Variants in HECW2 observed in about 807,000 individuals in gnomAD.
HECW2 encodes the protein E3 ubiquitin-protein ligase HECW2.
A neutral mutation model predicts 175.2 loss-of-function variants in HECW2; 61 were observed. That is an observed-to-expected ratio of 0.35 (90% CI 0.28 to 0.43). The LOEUF (loss-of-function observed/expected upper bound fraction) is 0.43, where lower values mean the gene tolerates loss of function less well. HECW2 is among the 20% of genes least tolerant of loss of function. The pLI is 1.00. For synonymous variants in HECW2, 671 were observed against 731.0 expected (o/e 0.92, Z 1.32); for missense variants, 1,524 against 2,000.5 (o/e 0.76, Z 4.54).
intron 2 of HECW2, among the ~76,000 whole-genome samples, chr2:196,404,720 A>AC (rs898704626): frequency 9.0e-5 from 13 of 145,066 alleles, no homozygotes; most frequent in Admixed American, 4.8e-4. Context: ...TCCATTAATC[A>AC]CCCCCAGTTA....
chr2:196,590,984 T>C (rs1003267967), intron 1 of HECW2, among the ~76,000 whole-genome samples: 5 of 152,228 alleles, frequency 3.3e-5, no homozygotes, highest in African/African-American at 1.2e-4. Context: ...TTTACTGGAA[T>C]ATTTTCCTTC....
At chr2:196,225,173 G>A (rs529406953) in intron 23 of HECW2, among the ~76,000 whole-genome samples, 5 of 152,242 alleles carry the variant, frequency 3.3e-5, no homozygotes, top group African/African-American at 9.6e-5. Context: ...TACAATAACT[G>A]CAATCTTTCA....
intron 1 of HECW2, among the ~76,000 whole-genome samples, chr2:196,591,897 A>G (rs974121065): frequency 1.3e-5 from 2 of 152,188 alleles, no homozygotes; most frequent in African/African-American, 4.8e-5. Flanking sequence ...CTTTCTTTGT[A>G]GATAATGTGT....
intron 4 of HECW2, chr2:196,331,459 G>A (rs10210571): frequency 0.032 from 6,360 of 198,672 alleles, 465 homozygotes; most frequent in African/African-American, 0.14. Context: ...TAGAAACTGC[G>A]GCCTCTCTGC....
At chr2:196,232,126 G>A (rs188470776) in intron 21 of HECW2, among the ~76,000 whole-genome samples, 37 of 152,280 alleles carry the variant, frequency 2.4e-4, no homozygotes, top group South Asian at 2.1e-4. Flanking sequence ...AGACACAATA[G>A]AGCATACAAT....
chr2:196,322,368 G>T, intron 7 of HECW2, 110 bp downstream of exon 7: 1 of 759,494 alleles, frequency 1.3e-6, no homozygotes. Context: ...TAAAAGAATT[G>T]TGTTACTACT....
intron 1 of HECW2, among the ~76,000 whole-genome samples, chr2:196,460,813 T>G (rs1441133450): frequency 3.7e-5 from 5 of 136,078 alleles, no homozygotes; most frequent in African/African-American, 5.4e-5. Flanking sequence ...TTTGGAGAGA[T>G]AGGCTCTCAC....
At chr2:196,221,394 A>C (rs1687665021) in intron 24 of HECW2, among the ~76,000 whole-genome samples, 1 of 152,204 alleles carries the variant, frequency 6.6e-6, no homozygotes, top group Non-Finnish European at 1.5e-5. Context: ...ATTAATGCCT[A>C]AATAAGAATA....
At chr2:196,433,004 T>C in intron 2 of HECW2, 128 bp downstream of exon 2, 1 of 779,836 alleles carries the variant, frequency 1.3e-6, no homozygotes, top group African/African-American at 1.7e-5. Flanking sequence ...AAAAATAAAT[T>C]CCCAGAATCT....
chr2:196,277,872 A>C (rs56001230), intron 15 of HECW2, among the ~76,000 whole-genome samples: 2 of 148,882 alleles, frequency 1.3e-5, no homozygotes, highest in East Asian at 4.0e-4. Context: ...GCAAACTATC[A>C]CAAGAACAAA....
At chr2:196,456,407 G>C (rs543210973) in intron 1 of HECW2, among the ~76,000 whole-genome samples, 34 of 150,744 alleles carry the variant, frequency 2.3e-4, no homozygotes, top group Middle Eastern at 6.8e-3. Context: ...ATCCCAGCAA[G>C]GAAAGTATTG....
At chr2:196,469,944 A>G (rs191006892) in intron 1 of HECW2, among the ~76,000 whole-genome samples, 1 of 152,248 alleles carries the variant, frequency 6.6e-6, no homozygotes, top group East Asian at 1.9e-4. Context: ...TCACCTTACA[A>G]GAATTTCTAG....
At chr2:196,432,208 T>A (rs1695734730) in intron 2 of HECW2, among the ~76,000 whole-genome samples, 1 of 151,924 alleles carries the variant, frequency 6.6e-6, no homozygotes, top group Non-Finnish European at 1.5e-5. Flanking sequence ...CATAAACAGA[T>A]GGGTCTTTTT....
At chr2:196,548,692 G>A (rs1475976442) in intron 1 of HECW2, among the ~76,000 whole-genome samples, 1 of 152,212 alleles carries the variant, frequency 6.6e-6, no homozygotes, top group Non-Finnish European at 1.5e-5. Context: ...CACAGCCTGG[G>A]TGGCTTAAAC....
chr2:196,242,718 C>CT, intron 19 of HECW2: 1 of 111,504 alleles, frequency 9.0e-6, no homozygotes, highest in East Asian at 2.8e-4. Context: ...GAGACGGAGT[C>CT]TTACTCTGTC....
chr2:196,220,012 T>C, intron 26 of HECW2, 27 bp downstream of exon 26: 1 of 1,400,864 alleles, frequency 7.1e-7, no homozygotes, highest in Non-Finnish European at 1.0e-6. Flanking sequence ...AAATTTAAAA[T>C]CTAGCCATCT....
chr2:196,480,305 T>C (rs539146975), intron 1 of HECW2, among the ~76,000 whole-genome samples: 2 of 152,344 alleles, frequency 1.3e-5, no homozygotes, highest in East Asian at 3.9e-4. Flanking sequence ...TATCCTAACA[T>C]ACTTCTCTTT....
chr2:196,201,873 C>A (rs1341396246), intron 28 of HECW2, among the ~76,000 whole-genome samples: 1 of 152,104 alleles, frequency 6.6e-6, no homozygotes, highest in African/African-American at 2.4e-5. Context: ...TGAGGGCCTG[C>A]CTCATGGCTT....
chr2:196,592,057 G>A lies in HECW2; in HGVS notation c.-36+1451C>T, dbSNP rs546169298. The stretch of plus-strand genomic sequence containing the variant: ...AATCATATTTATAAGACAAACACAT[G>A]GAGAGCTCTACTAATTACACTAAAA... On this transcript the variant is annotated intron_variant, in intron 1 of 28. Transcript: ENST00000644978. Among the ~76,000 whole-genome samples, 4 of 152,302 alleles carry A rather than the reference G, an allele frequency of 2.6e-5. 1 individual carries two copies. In the South Asian group the frequency reaches 8.3e-4, roughly 32 times the overall value.
Sources: allele counts gnomAD v4.1 joint callset (sites outside exome capture counted in the v4.1 genomes callset), GRCh38; gene constraint gnomAD v4.1.1; transcripts MANE v1.5; gene names NCBI Gene and HGNC (gene_info 2026-07-23, HGNC 2026-07-21).